The following THTPA variants were observed in gnomAD, a reference collection of about 807,000 sequenced individuals.
THTPA encodes the protein thiamine-triphosphatase.
Under a neutral mutation model 16.5 loss-of-function variants are expected in THTPA, and 16 were observed. That is an observed-to-expected ratio of 0.97 (90% CI 0.66 to 1.47). The LOEUF (loss-of-function observed/expected upper bound fraction) is 1.47. THTPA is among the 40% of genes most tolerant of loss of function. The pLI is 0.00. For synonymous variants in THTPA, 110 were observed against 115.5 expected (o/e 0.95, Z 0.30); for missense variants, 281 against 280.9 (o/e 1.00, Z 0.00).
the THTPA span, chr14:23,530,038 T>C: frequency 2.2e-6 from 3 of 1,339,444 alleles, no homozygotes; most frequent in Non-Finnish European, 3.1e-6. Flanking sequence ...AGCACAGACA[T>C]TGCTGGGCTC....
At chr14:23,527,981 A>C in the THTPA span, among the ~76,000 whole-genome samples, 1 of 138,628 alleles carries the variant, frequency 7.2e-6, no homozygotes, top group East Asian at 2.1e-4. Flanking sequence ...ATCTCGGCTC[A>C]CTGCAACCTC....
the THTPA span, chr14:23,529,869 C>T: frequency 1.6e-6 from 2 of 1,220,240 alleles, no homozygotes; most frequent in South Asian, 1.3e-5. Context: ...AGAGAAAGGG[C>T]AGGAAACTCA....
chr14:23,551,314 C>T (rs1881929927), upstream of THTPA: 1 of 152,592 alleles, frequency 6.6e-6, no homozygotes, highest in Non-Finnish European at 1.5e-5. This position sits in a 1 kb window ranked among gnomAD's most constrained non-coding sequence, Gnocchi z 5.3. Flanking sequence ...AAAAACCAAC[C>T]CAGCAGCATC....
the THTPA span, chr14:23,530,128 T>A: frequency 6.5e-7 from 1 of 1,535,976 alleles, no homozygotes; most frequent in Non-Finnish European, 8.7e-7. Context: ...ACCCAATTGT[T>A]CTGTCTTGTT....
chr14:23,559,714 G>A lies in THTPA; in HGVS notation c.*874G>A. On this transcript the variant is annotated 3_prime_UTR_variant, in exon 2 of 2. Transcript: ENST00000288014. ...GCTGCTGGGGCCCCCTGGGGTTTGGGACACAGGAGAATTTCAGGCTGTGAG... is the reference window on the plus strand; with the variant it reads ...GCTGCTGGGGCCCCCTGGGGTTTGGAACACAGGAGAATTTCAGGCTGTGAG... 6.2e-7 allele frequency: 1 copy of A among 1,605,530 alleles called. No individual in the cohort carries two copies. The highest frequency in any genetic ancestry group is 8.5e-7 in the Non-Finnish European group (1 of 1,173,540).
chr14:23,519,370 A>G, the THTPA span, among the ~76,000 whole-genome samples: 2 of 152,150 alleles, frequency 1.3e-5, no homozygotes. Flanking sequence ...CATTCCCAGA[A>G]AGCACAAGTG....
At chr14:23,531,911 G>A in the THTPA span, 2 of 701,768 alleles carry the variant, frequency 2.8e-6, no homozygotes, top group Non-Finnish European at 3.9e-6. Flanking sequence ...CGAGTAGCTG[G>A]GATTACAGGC....
chr14:23,530,129 C>T, the THTPA span: 103 of 1,535,954 alleles, frequency 6.7e-5, no homozygotes, highest in Non-Finnish European at 8.9e-5. Flanking sequence ...CCCAATTGTT[C>T]TGTCTTGTTC....
the THTPA span, chr14:23,531,710 G>T: frequency 1.2e-4 from 157 of 1,360,520 alleles, no homozygotes; most frequent in South Asian, 1.3e-3. Context: ...CTCCCTCCAT[G>T]TCCAGCAGAA....
the THTPA span, among the ~76,000 whole-genome samples, chr14:23,550,564 C>G: frequency 6.6e-6 from 1 of 152,134 alleles, no homozygotes; most frequent in South Asian, 2.1e-4. Context: ...AACAGCAAAA[C>G]CAAAAGTCAG....
the THTPA span, chr14:23,530,882 A>G: frequency 1.4e-5 from 3 of 218,216 alleles, no homozygotes; most frequent in African/African-American, 7.2e-5. Flanking sequence ...GCCCATGCCC[A>G]CCTCTGGCAG....
the THTPA span, chr14:23,524,580 G>A: frequency 1.3e-5 from 20 of 1,535,376 alleles, no homozygotes; most frequent in East Asian, 1.2e-4. This position sits in a 1 kb window ranked among gnomAD's most constrained non-coding sequence, Gnocchi z 5.6. Flanking sequence ...TGTAGTCGGC[G>A]GTGACTGGTC....
At position 23,556,968 on chromosome 14, in the gene THTPA, G is replaced by T. The variant is rs145092399; in HGVS notation, c.211G>T (p.Gly71Cys). The change falls in exon 1 of 2, where the codon GGT becomes TGT. Residue 71 changes from glycine (G) to cysteine (C), a missense_variant. Coordinates refer to ENST00000288014, the MANE Select transcript of THTPA (RefSeq NM_024328.6). ...GGAGCTCAAATGTCCTGGAGCAGCA[G>T]GTGTCTTAGGACCCCACACGGAGTA... ...GWELKCPGAA[G>C]VLGPHTEYKE... The T allele has an allele frequency of 1.8e-5, 29 of 1,614,078 alleles. No homozygotes were observed. Among genetic ancestry groups the T allele is most frequent in the Non-Finnish European group, 2.3e-5 (27 of 1,180,046 alleles).
In THTPA at chr14:23,559,394, C is replaced by T. The variant is rs148563734; in HGVS notation, c.*554C>T. Reference sequence around the variant, plus strand: ...AGTGCCTCCTGTGGAAGTTTAGGGGCAAATTTGTTCCCTGACCTGGAGAGG... The same window carrying T: ...AGTGCCTCCTGTGGAAGTTTAGGGGTAAATTTGTTCCCTGACCTGGAGAGG... On this transcript the variant is annotated 3_prime_UTR_variant, in exon 2 of 2. Transcript: ENST00000288014. The T allele has an allele frequency of 1.7e-3, 508 of 295,214 alleles. 1 individual carries two copies. The highest frequency in any genetic ancestry group is 9.7e-3 in the Middle Eastern group (8 of 822). The allele number at this position is 295,214 out of a possible 1,614,324, so 18.3% of individuals were successfully genotyped here.
the THTPA span, chr14:23,530,359 C>T: frequency 1.4e-6 from 1 of 705,640 alleles, no homozygotes; most frequent in South Asian, 1.5e-5. Context: ...AACACCCACA[C>T]AGAAGATAGA....
the THTPA span, chr14:23,513,720 CT>C: frequency 2.2e-5 from 3 of 139,040 alleles, no homozygotes; most frequent in African/African-American, 8.9e-5. Context: ...TACATGGGAG[CT>C]GTTGGCATCA....
Position 23,560,043 on chromosome 14 carries a change from A to T in THTPA, c.*1203A>T. ...GCAGCTGCAGCTGGAGACTCTGAAC[A>T]CAGGAGTTTAACAGAGCACAGTATG... On this transcript the variant is annotated 3_prime_UTR_variant, in exon 2 of 2. Transcript: ENST00000288014. The T allele has an allele frequency of 6.3e-7, 1 of 1,588,248 alleles. No individual in the cohort carries two copies. Among genetic ancestry groups the T allele is most frequent in the Non-Finnish European group, 8.6e-7 (1 of 1,160,456 alleles).
chr14:23,541,079 G>GT, the THTPA span, among the ~76,000 whole-genome samples: 570 of 151,762 alleles, frequency 3.8e-3, 4 homozygotes, highest in African/African-American at 0.013. Context: ...GCTAATTTTT[G>GT]TATTTCAGTA....
chr14:23,546,231 T>A, the THTPA span, among the ~76,000 whole-genome samples: 64 of 152,302 alleles, frequency 4.2e-4, no homozygotes, highest in East Asian at 2.9e-3. The surrounding 1 kb of genome is among the most constrained non-coding windows in gnomAD (Gnocchi z 4.7). Flanking sequence ...CCCCTGTGCA[T>A]GCGACATTCC....
Sources: allele counts gnomAD v4.1 joint callset (sites outside exome capture counted in the v4.1 genomes callset), GRCh38; gene constraint gnomAD v4.1.1; non-coding constraint Gnocchi (gnomAD v3.1); transcripts MANE v1.5; gene names NCBI Gene and HGNC (gene_info 2026-07-23, HGNC 2026-07-21).